SSBP2: variants seen among roughly 807,000 people sequenced by gnomAD.
SSBP2 encodes single stranded DNA binding protein 2, also known as single-stranded DNA-binding protein 2.
In SSBP2, 17 loss-of-function variants were observed where a neutral mutation model predicts 61.8. The ratio of observed to expected loss-of-function variants is 0.28; its 90% CI spans 0.19 to 0.41. SSBP2 has a LOEUF of 0.41. SSBP2 is among the 10% of genes least tolerant of loss of function. The probability of loss-of-function intolerance (pLI) is 1.00; values close to 1 mark genes in which losing one functional copy is unlikely to be tolerated. For synonymous variants in SSBP2, 139 were observed against 141.3 expected (o/e 0.98, Z 0.12); for missense variants, 310 against 458.7 (o/e 0.68, Z 2.96).
chr5:81,485,683 G>A (rs550260140), intron 6 of SSBP2, among the ~76,000 whole-genome samples: 2 of 152,162 alleles, frequency 1.3e-5, no homozygotes, highest in South Asian at 4.2e-4. Context: ...TTTATTATTT[G>A]TTTATTTTTT....
At chr5:81,622,002 G>C (rs1470286222) in intron 3 of SSBP2, among the ~76,000 whole-genome samples, 1 of 147,548 alleles carries the variant, frequency 6.8e-6, no homozygotes, top group East Asian at 2.0e-4. Context: ...ATATACCTAA[G>C]GCTAGATGAC....
intron 1 of SSBP2, among the ~76,000 whole-genome samples, chr5:81,677,782 C>T (rs908816118): frequency 6.9e-6 from 1 of 145,912 alleles, no homozygotes; most frequent in African/African-American, 2.5e-5. Flanking sequence ...AGGAAAAGGA[C>T]ATACCAATTG....
At chr5:81,462,889 A>C (rs1764637653) in intron 9 of SSBP2, among the ~76,000 whole-genome samples, 2 of 152,148 alleles carry the variant, frequency 1.3e-5, no homozygotes. Context: ...ATTTTGAAAT[A>C]TCATAACCAA....
At chr5:81,677,013 C>G (rs1752035562) in intron 1 of SSBP2, among the ~76,000 whole-genome samples, 1 of 152,130 alleles carries the variant, frequency 6.6e-6, no homozygotes, top group African/African-American at 2.4e-5. Context: ...CAAGGTCACT[C>G]AGTAATTAAT....
At chr5:81,570,139 T>C (rs1005959231) in intron 4 of SSBP2, among the ~76,000 whole-genome samples, 4 of 152,200 alleles carry the variant, frequency 2.6e-5, no homozygotes, top group Non-Finnish European at 4.4e-5. Context: ...TGGGTAACTT[T>C]ACAGTTTTAC....
At chr5:81,527,178 T>C (rs543053014) in intron 4 of SSBP2, among the ~76,000 whole-genome samples, 104 of 151,976 alleles carry the variant, frequency 6.8e-4, no homozygotes, top group African/African-American at 2.4e-3. Flanking sequence ...TCAAAAAGTT[T>C]TGAGAAAGTA....
chr5:81,535,262 T>A (rs1252784800), intron 4 of SSBP2, among the ~76,000 whole-genome samples: 2 of 152,084 alleles, frequency 1.3e-5, no homozygotes, highest in East Asian at 3.9e-4. Flanking sequence ...AAAATGCTGA[T>A]GTGAAAGAAA....
intron 15 of SSBP2, among the ~76,000 whole-genome samples, chr5:81,432,763 G>T (rs541026335): frequency 2.0e-5 from 3 of 151,106 alleles, no homozygotes; most frequent in African/African-American, 7.3e-5. Context: ...GAGGTGGGGG[G>T]GTCAGCCCCC....
In SSBP2 at chr5:81,635,653, G is replaced by A. The variant is rs542650448; in HGVS notation, c.197+904C>T. On this transcript the variant is annotated intron_variant, in intron 3 of 16. Coordinates refer to ENST00000320672, the MANE Select transcript of SSBP2 (RefSeq NM_012446.5). ...GGCTGGAGTGCAGTGGTGCAATCTC[G>A]GCTCACTGCAAGCTCCGCCTCCCGG... Among the ~76,000 whole-genome samples the A allele has an allele frequency of 4.7e-5, 7 of 148,260 alleles. No individual in the cohort carries two copies. The South Asian group carries it at 1.3e-3, about 27-fold the overall frequency.
intron 4 of SSBP2, among the ~76,000 whole-genome samples, chr5:81,527,221 T>C (rs1770012250): frequency 6.6e-6 from 1 of 152,032 alleles, no homozygotes; most frequent in African/African-American, 2.4e-5. Context: ...TATTTTTAAA[T>C]AGATAACTCT....
intron 1 of SSBP2, among the ~76,000 whole-genome samples, chr5:81,712,847 C>A (rs1204301564): frequency 6.6e-6 from 1 of 151,738 alleles, no homozygotes; most frequent in East Asian, 1.9e-4. Flanking sequence ...ATCCTCCTAC[C>A]GCAGCCTCTG....
intron 4 of SSBP2, among the ~76,000 whole-genome samples, chr5:81,604,489 G>A (rs1381372392): frequency 6.6e-6 from 1 of 151,938 alleles, no homozygotes; most frequent in African/African-American, 2.4e-5. Flanking sequence ...TATGAAAATG[G>A]GAGTGAGGTA....
At chr5:81,444,324 C>G (rs1039291369) in intron 12 of SSBP2, among the ~76,000 whole-genome samples, 1 of 152,160 alleles carries the variant, frequency 6.6e-6, no homozygotes, top group African/African-American at 2.4e-5. Flanking sequence ...CTTTCTTCCT[C>G]CAAACACCTT....
intron 4 of SSBP2, among the ~76,000 whole-genome samples, chr5:81,592,187 A>G (rs1163903274): frequency 6.6e-6 from 1 of 152,226 alleles, no homozygotes; most frequent in Non-Finnish European, 1.5e-5. Flanking sequence ...AGGAGATTAT[A>G]TCCCGCACTT....
intron 1 of SSBP2, among the ~76,000 whole-genome samples, chr5:81,666,678 C>A (rs1380768919): frequency 1.3e-5 from 2 of 152,102 alleles, no homozygotes; most frequent in Non-Finnish European, 2.9e-5. Context: ...TCTTGCTTAG[C>A]AGTATACATT....
At chr5:81,750,440 C>CCCTCGCCTCG (rs961978252) in intron 1 of SSBP2, among the ~76,000 whole-genome samples, 6 of 144,900 alleles carry the variant, frequency 4.1e-5, no homozygotes, top group Non-Finnish European at 6.1e-5. Flanking sequence ...GGCACCGCCG[C>CCCTCGCCTCG]CCTCGCCTCG....
intron 4 of SSBP2, among the ~76,000 whole-genome samples, chr5:81,546,445 T>C (rs1771733821): frequency 6.6e-6 from 1 of 151,982 alleles, no homozygotes; most frequent in Non-Finnish European, 1.5e-5. Flanking sequence ...TTCTTTATGC[T>C]AGGGCACTAA....
chr5:81,441,043 TA>T (rs1762999061), intron 13 of SSBP2, among the ~76,000 whole-genome samples: 1 of 152,228 alleles, frequency 6.6e-6, no homozygotes, highest in Admixed American at 6.5e-5. Flanking sequence ...TCAATGTCAT[TA>T]TGACAACATT....
At chr5:81,421,821 A>G (rs1205075425) in intron 16 of SSBP2, among the ~76,000 whole-genome samples, 1 of 152,146 alleles carries the variant, frequency 6.6e-6, no homozygotes, top group African/African-American at 2.4e-5. Flanking sequence ...CCTACTGAGC[A>G]TATGACATGT....
Sources: allele counts gnomAD v4.1 joint callset (sites outside exome capture counted in the v4.1 genomes callset), GRCh38; gene constraint gnomAD v4.1.1; transcripts MANE v1.5; gene names NCBI Gene and HGNC (gene_info 2026-07-23, HGNC 2026-07-21).